The following GLIS3 variants were observed in gnomAD, a reference collection of about 807,000 sequenced individuals.
GLIS3 encodes the protein zinc finger protein GLIS3.
A neutral mutation model predicts 78.6 loss-of-function variants in GLIS3; 53 were observed. The observed-to-expected ratio is 0.67, with a 90% CI of 0.54 to 0.85. The LOEUF (loss-of-function observed/expected upper bound fraction) is 0.85, where lower values mean the gene tolerates loss of function less well. Ranked by LOEUF, GLIS3 falls within the 40% of genes least tolerant of loss-of-function variation. The pLI is 0.00. For missense variants in GLIS3, 1,703 were observed against 1,231.1 expected (o/e 1.38, Z -5.74); for synonymous variants, 684 against 509.9 (o/e 1.34, Z -4.60).
At chr9:3,997,791 T>A (rs1185070878) in intron 4 of GLIS3, among the ~76,000 whole-genome samples, 1 of 151,860 alleles carries the variant, frequency 6.6e-6, no homozygotes, top group Non-Finnish European at 1.5e-5. Flanking sequence ...GAAATAGGAA[T>A]AAGAAAAAGA....
At chr9:4,193,520 T>C (rs543504589) in intron 2 of GLIS3, among the ~76,000 whole-genome samples, 5 of 152,064 alleles carry the variant, frequency 3.3e-5, no homozygotes, top group Non-Finnish European at 5.9e-5. Context: ...TGTAACTCAA[T>C]AGACAGCTGA....
chr9:3,982,202 T>C (rs1198466056), intron 4 of GLIS3, among the ~76,000 whole-genome samples: 1 of 151,788 alleles, frequency 6.6e-6, no homozygotes, highest in Non-Finnish European at 1.5e-5. Context: ...AGGAGGTACC[T>C]TTACCTCTCT....
intron 4 of GLIS3, among the ~76,000 whole-genome samples, chr9:4,032,697 G>T (rs1024177852): frequency 1.3e-5 from 2 of 152,072 alleles, no homozygotes; most frequent in African/African-American, 4.8e-5. Context: ...CCAGCCCGGG[G>T]CAAGTATATG....
chr9:4,129,657 G>C (rs12336359), intron 2 of GLIS3, among the ~76,000 whole-genome samples: 55,398 of 152,052 alleles, frequency 0.36, 10,467 homozygotes, highest in South Asian at 0.43. Flanking sequence ...TATGCTTCCT[G>C]TTAAGTCTGC....
intron 2 of GLIS3, among the ~76,000 whole-genome samples, chr9:4,262,001 G>A (rs1420082007): frequency 6.6e-6 from 1 of 152,204 alleles, no homozygotes; most frequent in Admixed American, 6.5e-5. Context: ...TCCTGTGTAA[G>A]GTGGTTGTCT....
chr9:3,825,746 T>C lies in GLIS3; in HGVS notation c.*2526A>G, dbSNP rs1817691623. On this transcript the variant is annotated 3_prime_UTR_variant, in exon 11 of 11. Transcript: ENST00000381971. The stretch of plus-strand genomic sequence containing the variant: ...CATAGTGTGTGTAGTCTGGAAGGCA[T>C]CTGAACGTGTCCTATCCTGAGGCTG... 6.6e-6 allele frequency: 1 copy of C among 152,182 alleles called. No homozygotes were observed. The highest frequency in any genetic ancestry group is 6.5e-5 in the Admixed American group (1 of 15,280). 9.4% of individuals were successfully genotyped at this position (152,182 alleles called of 1,614,324 possible).
At chr9:3,884,222 G>T (rs962419585) in intron 7 of GLIS3, among the ~76,000 whole-genome samples, 3 of 152,150 alleles carry the variant, frequency 2.0e-5, no homozygotes, top group African/African-American at 7.2e-5. Context: ...GGTTACTTCA[G>T]CTGTAACATA....
At chr9:4,034,357 A>AT (rs2130300939) in intron 4 of GLIS3, among the ~76,000 whole-genome samples, 1 of 152,304 alleles carries the variant, frequency 6.6e-6, no homozygotes, top group African/African-American at 2.4e-5. Flanking sequence ...TAATTATTAT[A>AT]TTTTCAATTA....
rs114646885 is a variant in GLIS3 at position 4,194,724 on chromosome 9, G to C, written c.389-68783C>G. ...GAGTGAAGCCCCAGTACCTGAGAGA[G>C]GGAGGGAGTCTACCTCTGTGACTCA... On this transcript the variant is annotated intron_variant, in intron 2 of 10. Transcript: ENST00000381971. Among the ~76,000 whole-genome samples, 439 of 152,298 alleles carry C rather than the reference G, an allele frequency of 2.9e-3. 2 individuals are homozygous for C. The highest frequency in any genetic ancestry group is 9.8e-3 in the African/African-American group (409 of 41,556).
chr9:3,991,990 A>T (rs1820349459), intron 4 of GLIS3, among the ~76,000 whole-genome samples: 1 of 152,120 alleles, frequency 6.6e-6, no homozygotes, highest in South Asian at 2.1e-4. Flanking sequence ...CTGCCCGGCC[A>T]GTAGGCTGAA....
the GLIS3 span, among the ~76,000 whole-genome samples, chr9:4,356,058 C>G: frequency 2.0e-5 from 3 of 152,232 alleles, no homozygotes; most frequent in African/African-American, 4.8e-5. Flanking sequence ...AGCCCCAGCT[C>G]TAACACTAAT....
At chr9:3,846,071 G>A (rs1302651762) in intron 9 of GLIS3, among the ~76,000 whole-genome samples, 1 of 152,190 alleles carries the variant, frequency 6.6e-6, no homozygotes, top group African/African-American at 2.4e-5. Flanking sequence ...AGAAAAAAGT[G>A]ATTTTTCAGC....
intron 4 of GLIS3, among the ~76,000 whole-genome samples, chr9:3,962,196 G>C (rs908997431): frequency 6.6e-6 from 1 of 151,986 alleles, no homozygotes; most frequent in African/African-American, 2.4e-5. Context: ...CTTCATCTTG[G>C]GGAACAGAGT....
At chr9:4,483,398 T>C in the GLIS3 span, among the ~76,000 whole-genome samples, 1 of 152,200 alleles carries the variant, frequency 6.6e-6, no homozygotes, top group African/African-American at 2.4e-5. Flanking sequence ...GTTTTTTTTG[T>C]AACAACTCTA....
chr9:4,426,050 C>G, the GLIS3 span, among the ~76,000 whole-genome samples: 1 of 152,164 alleles, frequency 6.6e-6, no homozygotes, highest in Non-Finnish European at 1.5e-5. Context: ...TACGTTCATG[C>G]AATGCAAAAC....
At chr9:4,459,777 C>G in the GLIS3 span, among the ~76,000 whole-genome samples, 188 of 152,096 alleles carry the variant, frequency 1.2e-3, 2 homozygotes, top group Non-Finnish European at 5.4e-4. Flanking sequence ...CCACTGCACT[C>G]TAGACTGGGC....
the GLIS3 span, among the ~76,000 whole-genome samples, chr9:4,465,738 AT>A: frequency 6.6e-6 from 1 of 152,112 alleles, no homozygotes; most frequent in African/African-American, 2.4e-5. Context: ...ATCTACAAAA[AT>A]TTTTTAAATT....
At chr9:4,102,630 C>A (rs1375092881) in intron 4 of GLIS3, among the ~76,000 whole-genome samples, 1 of 152,068 alleles carries the variant, frequency 6.6e-6, no homozygotes, top group Non-Finnish European at 1.5e-5. Flanking sequence ...GTCCAAATGT[C>A]CAAAATGTCA....
At chr9:3,957,433 G>C (rs1817201802) in intron 4 of GLIS3, among the ~76,000 whole-genome samples, 1 of 152,208 alleles carries the variant, frequency 6.6e-6, no homozygotes, top group African/African-American at 2.4e-5. Flanking sequence ...GTGTGCAGGA[G>C]GAACAAAGAC....
Sources: allele counts gnomAD v4.1 joint callset (sites outside exome capture counted in the v4.1 genomes callset), GRCh38; gene constraint gnomAD v4.1.1; transcripts MANE v1.5; gene names NCBI Gene and HGNC (gene_info 2026-07-23, HGNC 2026-07-21).